The following AKAP6 variants were observed in gnomAD, a reference collection of about 807,000 sequenced individuals.
AKAP6 encodes A-kinase anchoring protein 6.
In AKAP6, 58 loss-of-function variants were observed where a neutral mutation model predicts 188.5. The observed-to-expected ratio is 0.31, with a 90% CI of 0.25 to 0.38. The LOEUF is 0.38. Among genes scored for constraint, AKAP6 ranks in the 10% least tolerant of loss-of-function variants. The probability of loss-of-function intolerance (pLI) is 1.00; values close to 1 mark genes in which losing one functional copy is unlikely to be tolerated. For synonymous variants in AKAP6, 989 were observed against 998.6 expected (o/e 0.99, Z 0.18); for missense variants, 2,710 against 2,740.0 (o/e 0.99, Z 0.24).
intron 12 of AKAP6, among the ~76,000 whole-genome samples, chr14:32,819,508 A>G (rs1343583972): frequency 6.6e-6 from 1 of 152,174 alleles, no homozygotes; most frequent in Non-Finnish European, 1.5e-5. Flanking sequence ...GCTGTGTGAT[A>G]CCTCTGTCTT....
chr14:32,780,215 T>TA (rs537357237), intron 12 of AKAP6, among the ~76,000 whole-genome samples: 12 of 145,676 alleles, frequency 8.2e-5, no homozygotes, highest in Admixed American at 2.1e-4. Flanking sequence ...TATTTGGCCT[T>TA]AAAAAAAAAG....
Position 32,836,741 on chromosome 14 carries a change from C to G in AKAP6, c.*6936C>G, listed in dbSNP as rs1181280276. ...TAAGAGCCACTGCTATTGAGGCTTG[C>G]ACTCTCTTGCTTGAAATGAGGTGCT... On this transcript the variant is annotated 3_prime_UTR_variant, in exon 14 of 14. Coordinates refer to ENST00000280979, the MANE Select transcript of AKAP6 (RefSeq NM_004274.5). 1 of 152,182 alleles carries G rather than the reference C, an allele frequency of 6.6e-6. No individual in the cohort carries two copies. The highest frequency in any genetic ancestry group is 1.5e-5 in the Non-Finnish European group (1 of 68,044). The allele number at this position is 152,182 out of a possible 1,614,324, so 9.4% of individuals were successfully genotyped here.
chr14:32,711,898 G>A (rs1422554990), intron 9 of AKAP6, among the ~76,000 whole-genome samples: 1 of 151,882 alleles, frequency 6.6e-6, no homozygotes, highest in Non-Finnish European at 1.5e-5. Context: ...AAAGTGAGGG[G>A]GGTGGACTCA....
intron 1 of AKAP6, among the ~76,000 whole-genome samples, chr14:32,348,094 G>T (rs1887127053): frequency 1.3e-5 from 2 of 152,184 alleles, no homozygotes; most frequent in African/African-American, 4.8e-5. Flanking sequence ...TGCTGGGCAG[G>T]TCAAGAACCT....
intron 11 of AKAP6, among the ~76,000 whole-genome samples, chr14:32,764,243 T>C (rs1473998247): frequency 6.6e-6 from 1 of 152,262 alleles, no homozygotes; most frequent in Non-Finnish European, 1.5e-5. Context: ...CAACACTGTC[T>C]ATTATGAAAA....
At position 32,824,175 on chromosome 14, in the gene AKAP6, A is replaced by G; in HGVS notation, c.6362A>G (p.Asp2121Gly). The G allele has an allele frequency of 3.1e-6, 5 of 1,613,930 alleles. No individual in the cohort carries two copies. Among genetic ancestry groups the G allele is most frequent in the Non-Finnish European group, 4.2e-6 (5 of 1,179,908 alleles). Residue 2121 changes from aspartate (D) to glycine (G), a missense_variant, in exon 13 of 14, where the codon GAT becomes GGT. By Grantham distance (94) the Asp-to-Gly change is moderately conservative. Around this residue, in one of 2 missense-constraint regions of AKAP6, gnomAD observed 2,473 missense variants for 2,426.1 expected, o/e 1.02. Transcript: ENST00000280979. ...SYLSLSSHDS[D>G]CGEVTNYIEE... is the part of the protein sequence containing the mutation. Reference sequence around the variant, plus strand: ...TTATCTCTCTCATCTCATGACAGTGATTGTGGGGAGGTCACCAATTACATA... The same window carrying G: ...TTATCTCTCTCATCTCATGACAGTGGTTGTGGGGAGGTCACCAATTACATA...
chr14:32,406,810 T>C (rs1295722983), intron 1 of AKAP6, among the ~76,000 whole-genome samples: 1 of 152,196 alleles, frequency 6.6e-6, no homozygotes, highest in East Asian at 1.9e-4. Flanking sequence ...TCATTCCTTA[T>C]CTGTTTTCAT....
At chr14:32,421,258 A>C (rs1344001482) in intron 1 of AKAP6, among the ~76,000 whole-genome samples, 1 of 152,052 alleles carries the variant, frequency 6.6e-6, no homozygotes, top group Admixed American at 6.5e-5. Context: ...GAAAGATTTC[A>C]TTGACGATTC....
intron 2 of AKAP6, among the ~76,000 whole-genome samples, chr14:32,447,481 A>G (rs1890793974): frequency 6.6e-6 from 1 of 152,210 alleles, no homozygotes; most frequent in Non-Finnish European, 1.5e-5. Context: ...AATTGTTCAT[A>G]GAAGCTTTGG....
intron 1 of AKAP6, among the ~76,000 whole-genome samples, chr14:32,420,935 GTT>G (rs1491417446): frequency 1.3e-5 from 2 of 151,574 alleles, no homozygotes; most frequent in African/African-American, 2.4e-5. Flanking sequence ...GTGTGTGTGT[GTT>G]TGTGTGTCTG....
intron 2 of AKAP6, among the ~76,000 whole-genome samples, chr14:32,532,948 G>C (rs1391459103): frequency 6.6e-6 from 1 of 152,180 alleles, no homozygotes; most frequent in East Asian, 1.9e-4. Context: ...CACCTGTAGT[G>C]GGAGACAGGA....
In AKAP6 at chr14:32,824,637, C is replaced by A. The variant is rs769806510; in HGVS notation, c.6824C>A (p.Ser2275Tyr). ...GAACATAATGCTGCTTCAGCCAAAT[C>A]TAAAGTTCAAGACCTCTCCTTGAAG... ...PEEHNAASAK[S>Y]KVQDLSLKAN... The change falls in exon 13 of 14, where the codon TCT (serine) becomes TAT (tyrosine). Residue 2275 changes from serine to tyrosine, a missense_variant. Ser to Tyr is a moderately radical substitution (Grantham distance 144). Around this residue, in one of 2 missense-constraint regions of AKAP6, gnomAD observed 2,473 missense variants for 2,426.1 expected, o/e 1.02. Coordinates refer to ENST00000280979, the MANE Select transcript of AKAP6 (RefSeq NM_004274.5). The A allele has an allele frequency of 2.5e-6, 4 of 1,613,924 alleles. No individual in the cohort carries two copies. The highest frequency in any genetic ancestry group is 1.7e-5 in the Admixed American group (1 of 59,928).
rs1260128592 is a variant in AKAP6 at position 32,835,423 on chromosome 14, G to A, written c.*5618G>A. The A allele has an allele frequency of 1.3e-5, 2 of 152,186 alleles. No homozygotes were observed. The highest frequency in any genetic ancestry group is 4.8e-5 in the African/African-American group (2 of 41,460). The allele number at this position is 152,186 out of a possible 1,614,324, so 9.4% of individuals were successfully genotyped here. On this transcript the variant is annotated 3_prime_UTR_variant, in exon 14 of 14. Transcript: ENST00000280979. ...TTACTGCCTGGCTTTGATTGATTTA[G>A]AGGGTTAGTCAATTACAGACTAAAT... is the stretch of plus-strand genomic sequence containing the variant.
chr14:32,769,921 A>G (rs993766966), intron 11 of AKAP6, among the ~76,000 whole-genome samples: 1 of 152,224 alleles, frequency 6.6e-6, no homozygotes, highest in Non-Finnish European at 1.5e-5. Context: ...ATAAGTAAAT[A>G]TCTATCTGTT....
At chr14:32,793,554 C>A (rs1015539495) in intron 12 of AKAP6, among the ~76,000 whole-genome samples, 4 of 151,980 alleles carry the variant, frequency 2.6e-5, no homozygotes, top group Non-Finnish European at 4.4e-5. Context: ...CAAAGAGACT[C>A]AAACTCCCAC....
In AKAP6 at chr14:32,678,305, T is replaced by C; in HGVS notation, c.2731-6T>C. On this transcript the variant is annotated splice_polypyrimidine_tract_variant and splice_region_variant and intron_variant, in intron 7 of 13. Transcript: ENST00000280979. The stretch of plus-strand genomic sequence containing the variant: ...AACAGCAATTTCTCTTTGTTTCTCT[T>C]TCCAGGCTGAGGTTCAACTATGCTA... 1 of 1,605,244 alleles carries C rather than the reference T, an allele frequency of 6.2e-7. No individual in the cohort carries two copies. The highest frequency in any genetic ancestry group is 8.5e-7 in the Non-Finnish European group (1 of 1,173,362).
rs147787159 is a variant in AKAP6, at chr14:32,518,406, G to C, written c.325-17148G>C. On this transcript the variant is annotated intron_variant, in intron 2 of 13. Coordinates refer to ENST00000280979, the MANE Select transcript of AKAP6 (RefSeq NM_004274.5). ...AATAACAGACTTCTCTGAGCTAAAG[G>C]AGGATGTTTGAACCCATCGCAAAGA... Among the ~76,000 whole-genome samples, 303 of 152,284 alleles carry C rather than the reference G, an allele frequency of 2.0e-3. 2 individuals carry two copies. The highest frequency in any genetic ancestry group is 7.0e-3 in the African/African-American group (290 of 41,554).
At chr14:32,792,028 G>A (rs1235176329) in intron 12 of AKAP6, among the ~76,000 whole-genome samples, 1 of 152,144 alleles carries the variant, frequency 6.6e-6, no homozygotes, top group African/African-American at 2.4e-5. Flanking sequence ...CTGTAGCCTT[G>A]TAGTATAGTT....
chr14:32,413,474 G>T (rs985900540), intron 1 of AKAP6, among the ~76,000 whole-genome samples: 3 of 152,098 alleles, frequency 2.0e-5, no homozygotes, highest in African/African-American at 7.2e-5. Flanking sequence ...GAGCCACTGT[G>T]CCTTGCCAAA....
Sources: allele counts gnomAD v4.1 joint callset (sites outside exome capture counted in the v4.1 genomes callset), GRCh38; gene constraint gnomAD v4.1.1; regional missense constraint gnomAD v4.1.1; transcripts MANE v1.5; gene names NCBI Gene and HGNC (gene_info 2026-07-23, HGNC 2026-07-21).